EIF2AK3: variants seen among roughly 807,000 people sequenced by gnomAD.
The protein encoded by EIF2AK3 is eukaryotic translation initiation factor 2-alpha kinase 3.
In EIF2AK3, 50 loss-of-function variants were observed where a neutral mutation model predicts 113.5. The ratio of observed to expected loss-of-function variants is 0.44; its 90% CI spans 0.35 to 0.56. The LOEUF (loss-of-function observed/expected upper bound fraction) is 0.56, where lower values mean the gene tolerates loss of function less well. Ranked by LOEUF, EIF2AK3 falls within the 20% of genes least tolerant of loss-of-function variation. The pLI, the probability that EIF2AK3 is intolerant of heterozygous loss-of-function variation, is 0.00. For synonymous variants in EIF2AK3, 448 were observed against 495.4 expected, an observed-to-expected ratio of 0.90 and a Z score of 1.27; for missense variants, 1,185 against 1,378.0, an observed-to-expected ratio of 0.86 and a Z score of 2.22.
At position 88,590,892 on chromosome 2, in the gene EIF2AK3, T is replaced by A. The variant is rs191277311; in HGVS notation, c.928A>T (p.Ile310Leu). 103 of 1,614,106 alleles carry A rather than the reference T, an allele frequency of 6.4e-5. 3 individuals carry two copies. In the East Asian group the frequency reaches 7.8e-4, roughly 12 times the overall value. The change falls in exon 5 of 17, where the codon ATA becomes TTA. Residue 310 changes from isoleucine to leucine, a missense_variant. Around this residue, in one of 3 missense-constraint regions of EIF2AK3, gnomAD observed 877 missense variants for 1,024.2 expected, o/e 0.86. Transcript: ENST00000303236. The part of the protein sequence containing the change: ...EQEAAIMDIV[I>L]KVSVADWKVM... ...TTCCAGTCAGCAACCGAAACCTTTA[T>A]CACTATGTCCATTATGGCAGCTTCC...
chr2:88,559,529 T>TGC (rs1171794450), intron 15 of EIF2AK3, among the ~76,000 whole-genome samples: 1 of 151,010 alleles, frequency 6.6e-6, no homozygotes, highest in Admixed American at 6.6e-5. Context: ...TGTGTGTGTG[T>TGC]GTGTGTGTGT....
intron 14 of EIF2AK3, among the ~76,000 whole-genome samples, chr2:88,564,942 A>G (rs1031529137): frequency 1.3e-5 from 2 of 152,062 alleles, no homozygotes; most frequent in Admixed American, 6.6e-5. Flanking sequence ...TCCAGATAGA[A>G]TTCCTTTTAT....
intron 2 of EIF2AK3, among the ~76,000 whole-genome samples, chr2:88,604,800 C>T (rs773433571): frequency 2.0e-5 from 3 of 152,054 alleles, no homozygotes; most frequent in African/African-American, 4.8e-5. Context: ...GTATGCTGTA[C>T]GCAAGATGTC....
chr2:88,559,910 A>G (rs546161385), intron 15 of EIF2AK3, among the ~76,000 whole-genome samples: 14 of 152,306 alleles, frequency 9.2e-5, no homozygotes, highest in Admixed American at 5.9e-4. Context: ...TAATGCTCAT[A>G]TGAACAGTTG....
intron 8 of EIF2AK3, among the ~76,000 whole-genome samples, chr2:88,587,204 C>CAAA (rs780050125): frequency 6.9e-4 from 21 of 30,226 alleles, no homozygotes; most frequent in East Asian, 3.4e-3. Context: ...AACTCCATCT[C>CAAA]AAAAAAAAAA....
intron 1 of EIF2AK3, among the ~76,000 whole-genome samples, chr2:88,616,289 T>G (rs1675567373): frequency 6.6e-6 from 1 of 152,126 alleles, no homozygotes; most frequent in Non-Finnish European, 1.5e-5. Flanking sequence ...AGTTTGCATA[T>G]CCATAGACAG....
At position 88,593,396 on chromosome 2, in the gene EIF2AK3, T is replaced by C. The variant is rs1235805014; in HGVS notation, c.643A>G (p.Ile215Val). The change falls in exon 4 of 17, where the codon ATC becomes GTC. Residue 215 changes from isoleucine (I) to valine (V), a missense_variant. Coordinates refer to ENST00000303236, the MANE Select transcript of EIF2AK3 (RefSeq NM_004836.7). ...TGGCGACAACCCAGAGCTGAACAGA[T>C]ATACCTCACCTGAAAAGACAAAATT... is the stretch of plus-strand genomic sequence containing the variant. ...LSAYSGKVRY[I>V]CSALGCRQWD... 6.2e-7 allele frequency: 1 copy of C among 1,613,900 alleles called. No homozygotes were observed. Among genetic ancestry groups the C allele is most frequent in the Admixed American group, 1.7e-5 (1 of 60,000 alleles).
At chr2:88,625,043 C>T (rs2103988186) in intron 1 of EIF2AK3, 1 of 152,254 alleles carries the variant, frequency 6.6e-6, no homozygotes, top group African/African-American at 2.4e-5. Context: ...GATACTCTAC[C>T]CAACATTTCT....
At position 88,602,754 on chromosome 2, in the gene EIF2AK3, G is replaced by A. The variant is rs548174625; in HGVS notation, c.439-7091C>T. 6.0e-4 allele frequency among the ~76,000 whole-genome samples: 91 copies of A among 151,988 alleles called. 1 individual carries two copies. Among genetic ancestry groups the A allele is most frequent in the South Asian group, 2.5e-3 (12 of 4,804 alleles). ...CTTGTAAGTGAGAGTTGAACAATGA[G>A]ATCACATGGACACAGGGAGGGGAAC... On this transcript the variant is annotated intron_variant, in intron 2 of 16. Transcript: ENST00000303236.
At chr2:88,613,976 C>A in intron 1 of EIF2AK3, 123 bp from the exon 2 acceptor site, 1 of 809,480 alleles carries the variant, frequency 1.2e-6, no homozygotes, top group East Asian at 2.7e-5. Context: ...AAGAGGGGGC[C>A]TTCTACCACT....
intron 13 of EIF2AK3, among the ~76,000 whole-genome samples, chr2:88,571,761 A>G (rs1674316675): frequency 6.6e-6 from 1 of 152,188 alleles, no homozygotes; most frequent in Non-Finnish European, 1.5e-5. Flanking sequence ...ATCAGAAGGG[A>G]TAAGAGCTCT....
intron 10 of EIF2AK3, among the ~76,000 whole-genome samples, chr2:88,581,891 C>A (rs1674608963): frequency 6.6e-6 from 1 of 152,116 alleles, no homozygotes; most frequent in African/African-American, 2.4e-5. Context: ...ATTACACTGC[C>A]AGGTAGGTAC....
In EIF2AK3 at chr2:88,557,511, TAACAAAG is replaced by T. The variant is rs1444808681; in HGVS notation, c.*218_*224del. 1.9e-5 allele frequency: 11 copies of T among 575,776 alleles called. No homozygotes were observed. The East Asian group carries it at 2.4e-4, about 13-fold the overall frequency. The allele number at this position is 575,776 out of a possible 1,614,324, so 35.7% of individuals were successfully genotyped here. A position where few individuals can be genotyped will look rare whatever the true frequency, so the allele number is the denominator to read the frequency against. On this transcript the variant is annotated 3_prime_UTR_variant, in exon 17 of 17. Transcript: ENST00000303236. ...TGGCCAGCAGCCAGTTTCAAGAGACTAACAAAGAACAAAGATAGCCCTTTCCTTAAGT... is the reference window on the plus strand; with the variant it reads ...TGGCCAGCAGCCAGTTTCAAGAGACTAACAAAGATAGCCCTTTCCTTAAGT...
chr2:88,558,795 C>G, intron 16 of EIF2AK3, 122 bp downstream of exon 16: 2 of 775,038 alleles, frequency 2.6e-6, no homozygotes, highest in Middle Eastern at 2.4e-4. Flanking sequence ...GAGCAGGTCT[C>G]TTTCCTCTCT....
chr2:88,594,066 A>C, intron 3 of EIF2AK3: 3 of 359,358 alleles, frequency 8.3e-6, no homozygotes, highest in Non-Finnish European at 1.2e-5. Context: ...TGGCCTCCTC[A>C]ACACAATGCA....
At chr2:88,619,856 T>C (rs1369256605) in intron 1 of EIF2AK3, among the ~76,000 whole-genome samples, 1 of 150,072 alleles carries the variant, frequency 6.7e-6, no homozygotes, top group African/African-American at 2.5e-5. Flanking sequence ...TGGGAGAGGC[T>C]GAGACAGGAG....
chr2:88,588,950 G>A, intron 6 of EIF2AK3, 49 bp from the exon 7 acceptor site: 1 of 1,595,586 alleles, frequency 6.3e-7, no homozygotes. Context: ...TTTTAAAAAG[G>A]TTTTTTTAAT....
In EIF2AK3 at chr2:88,557,446, G is replaced by A; in HGVS notation, c.*290C>T. 2.2e-6 allele frequency: 1 copy of A among 449,356 alleles called. No individual in the cohort carries two copies. Among genetic ancestry groups the A allele is most frequent in the Non-Finnish European group, 4.1e-6 (1 of 244,894 alleles). The allele number at this position is 449,356 out of a possible 1,614,324, so 27.8% of individuals were successfully genotyped here. A position where few individuals can be genotyped will look rare whatever the true frequency, so the allele number is the denominator to read the frequency against. On this transcript the variant is annotated 3_prime_UTR_variant, in exon 17 of 17. Transcript: ENST00000303236. ...TCACTATATATATATATTAGGGATT[G>A]CTGCTACCTCCTTAGGCAAATGGTG...
intron 6 of EIF2AK3, 93 bp downstream of exon 6, chr2:88,590,350 T>G: frequency 7.6e-7 from 1 of 1,308,500 alleles, no homozygotes; most frequent in Non-Finnish European, 1.1e-6. Context: ...GATTTAAAAC[T>G]ACTACAGGCA....
Sources: gnomAD v4.1 joint callset for allele counts (sites outside exome capture counted in the v4.1 genomes callset) on GRCh38, gnomAD v4.1.1 for gene constraint, gnomAD v4.1.1 regional missense constraint, MANE v1.5 for transcripts, NCBI Gene and HGNC (gene_info 2026-07-23, HGNC 2026-07-21) for gene names.